Variants in RAPH1 observed in about 807,000 individuals in gnomAD.
The protein encoded by RAPH1 is ras-associated and pleckstrin homology domains-containing protein 1.
A neutral mutation model predicts 88.1 loss-of-function variants in RAPH1; 18 were observed. That is an observed-to-expected ratio of 0.20 (90% CI 0.14 to 0.30). The LOEUF (loss-of-function observed/expected upper bound fraction) is 0.30. Among genes scored for constraint, RAPH1 ranks in the 10% least tolerant of loss-of-function variants. RAPH1 has a pLI of 1.00. For missense variants in RAPH1, 1,448 were observed against 1,543.2 expected, an observed-to-expected ratio of 0.94 and a Z score of 1.03; for synonymous variants, 587 against 559.0, an observed-to-expected ratio of 1.05 and a Z score of -0.71.
chr2:203,526,523 A>G (rs1164319567), intron 1 of RAPH1, among the ~76,000 whole-genome samples: 2 of 151,866 alleles, frequency 1.3e-5, no homozygotes, highest in African/African-American at 4.8e-5. Flanking sequence ...TCAGGAGTTC[A>G]AGGCCAGCCT....
intron 4 of RAPH1, among the ~76,000 whole-genome samples, chr2:203,478,840 C>T (rs1687595362): frequency 6.6e-6 from 1 of 152,182 alleles, no homozygotes; most frequent in Admixed American, 6.5e-5. Context: ...CCACAGTGCC[C>T]TAGGCGCTCA....
chr2:203,460,129 T>A, intron 6 of RAPH1, 101 bp from the exon 7 acceptor site: 1 of 1,013,538 alleles, frequency 9.9e-7, no homozygotes, highest in Non-Finnish European at 1.4e-6. Flanking sequence ...CACATAATCT[T>A]AACCGACATT....
chr2:203,532,375 A>C (rs1236596434), intron 1 of RAPH1, among the ~76,000 whole-genome samples: 1 of 152,224 alleles, frequency 6.6e-6, no homozygotes, highest in Admixed American at 6.5e-5. Flanking sequence ...CTGTACACTT[A>C]AAAATAGTTA....
Position 203,506,794 on chromosome 2 carries a change from CTATA to C in RAPH1, c.1-11445_1-11442del, listed in dbSNP as rs1169335421. Among the ~76,000 whole-genome samples the C allele has an allele frequency of 1.2e-3, 108 of 93,146 alleles. 10 individuals carry two copies. Among genetic ancestry groups the C allele is most frequent in the Middle Eastern group, 5.6e-3 (1 of 180 alleles). The allele number at this position is 93,146 out of a possible 152,430, so 61.1% of individuals were successfully genotyped here. On this transcript the variant is annotated intron_variant, in intron 1 of 13. Transcript: ENST00000319170. Reference sequence around the variant, plus strand: ...TCTATATATATCTAGATATATATATCTATATATATATCTATATCTATATATCTAT... The same window carrying C: ...TCTATATATATCTAGATATATATATCTATATATCTATATCTATATATCTAT...
chr2:203,459,151 G>A (rs1487671531), intron 7 of RAPH1, among the ~76,000 whole-genome samples: 3 of 152,180 alleles, frequency 2.0e-5, no homozygotes, highest in Admixed American at 6.5e-5. Context: ...TTACAGGAGT[G>A]AGCCATTGCG....
At chr2:203,463,687 C>T (rs980502452) in intron 4 of RAPH1, among the ~76,000 whole-genome samples, 1 of 152,196 alleles carries the variant, frequency 6.6e-6, no homozygotes, top group Non-Finnish European at 1.5e-5. Context: ...AGGGCTAAGA[C>T]GAGACTGAAT....
rs1309715676 is a variant in RAPH1, at chr2:203,440,995, G to A, written c.2195C>T (p.Pro732Leu). The A allele has an allele frequency of 8.9e-6, 14 of 1,567,706 alleles. No homozygotes were observed. Among genetic ancestry groups the A allele is most frequent in the Middle Eastern group, 1.8e-4 (1 of 5,478 alleles). ...GSAMAQLKPA[P>L]CAPSLPQFSA... is the part of the protein sequence containing the mutation. ...GAACTGTGGAAGGGATGGGGCACAC[G>A]GTGCAGGCTTTAGCTGGGCCATGGC... The change falls in exon 14 of 14, where the codon CCG (proline) becomes CTG (leucine). Residue 732 changes from proline to leucine, a missense_variant. By Grantham distance (98) the Pro-to-Leu change is moderately conservative. Coordinates refer to ENST00000319170, the MANE Select transcript of RAPH1 (RefSeq NM_213589.3).
chr2:203,474,881 C>T (rs1027571572), intron 4 of RAPH1, among the ~76,000 whole-genome samples: 1 of 152,192 alleles, frequency 6.6e-6, no homozygotes, highest in African/African-American at 2.4e-5. Flanking sequence ...GAGGCTGAGG[C>T]AGGTGGATCA....
At chr2:203,441,444 G>A in intron 13 of RAPH1, 31 bp from the exon 14 acceptor site, 1 of 1,501,070 alleles carries the variant, frequency 6.7e-7, no homozygotes. Context: ...GAGTGGGAGA[G>A]AGAAAAACAC....
chr2:203,488,862 G>A (rs1372710982), intron 4 of RAPH1, among the ~76,000 whole-genome samples: 2 of 152,104 alleles, frequency 1.3e-5, no homozygotes, highest in Admixed American at 6.5e-5. Flanking sequence ...AGTGGCTCAC[G>A]CCTGTAATCC....
chr2:203,444,779 A>C, intron 13 of RAPH1, 89 bp downstream of exon 13: 1 of 1,217,030 alleles, frequency 8.2e-7, no homozygotes, highest in Non-Finnish European at 1.2e-6. Flanking sequence ...AGGCCAAATA[A>C]GATCCCCGAT....
rs763310414 is a variant in RAPH1 at position 203,459,892 on chromosome 2, GTTGT to G, written c.1092+11_1092+14del. The G allele has an allele frequency of 1.0e-4, 165 of 1,608,000 alleles. 1 individual carries two copies. Among genetic ancestry groups the G allele is most frequent in the South Asian group, 8.3e-4 (74 of 89,382 alleles). The stretch of plus-strand genomic sequence containing the variant: ...TATTTACAAATCCTGACCTCTGTAA[GTTGT>G]TTGGTCTTACCTGTGGGTTTTTGAA... On this transcript the variant is annotated intron_variant, in intron 7 of 13. Transcript: ENST00000319170.
chr2:203,456,841 T>A (rs980295919), intron 8 of RAPH1, among the ~76,000 whole-genome samples: 1 of 152,158 alleles, frequency 6.6e-6, no homozygotes, highest in East Asian at 1.9e-4. Flanking sequence ...ATTTTAAAAA[T>A]TATTTAATTA....
rs1559494003 is a variant in RAPH1, at chr2:203,506,742, C to CGA, written c.1-11390_1-11389insTC. On this transcript the variant is annotated intron_variant, in intron 1 of 13. Coordinates refer to ENST00000319170, the MANE Select transcript of RAPH1 (RefSeq NM_213589.3). ...CTAAAATCCATATATAGATATATATCTATATATATATATATCTATATATAT... is the reference window on the plus strand; with the variant it reads ...CTAAAATCCATATATAGATATATATCGATATATATATATATATCTATATATAT... 1.1e-3 allele frequency among the ~76,000 whole-genome samples: 118 copies of CGA among 110,836 alleles called. 5 individuals carry two copies. Among genetic ancestry groups the CGA allele is most frequent in the African/African-American group, 5.4e-3 (110 of 20,200 alleles). 72.7% of individuals were successfully genotyped at this position (110,836 alleles called of 152,430 possible). A position where few individuals can be genotyped will look rare whatever the true frequency, so the allele number is the denominator to read the frequency against.
chr2:203,470,387 CAT>C lies in RAPH1; in HGVS notation c.733-8464_733-8463del, dbSNP rs2098531993. 4 of 908,474 alleles carry C rather than the reference CAT, an allele frequency of 4.4e-6. No homozygotes were observed. In the East Asian group the frequency reaches 1.0e-4, roughly 23 times the overall value. 56.3% of individuals were successfully genotyped at this position (908,474 alleles called of 1,614,324 possible). A position where few individuals can be genotyped will look rare whatever the true frequency, so the allele number is the denominator to read the frequency against. On this transcript the variant is annotated intron_variant, in intron 4 of 13. Transcript: ENST00000319170. The stretch of plus-strand genomic sequence containing the variant: ...CAGTGGAGGTTTTATGTGTTTAAAA[CAT>C]AAAGTAGACAAAGCAAGAATGATTC...
rs188415187 is a variant in RAPH1, at chr2:203,511,468, G to C, written c.1-16115C>G. On this transcript the variant is annotated intron_variant, in intron 1 of 13. Transcript: ENST00000319170. ...AAGGTTATTTCAAGGCATATGATTT[G>C]ATTCAATAGCTGCGTTAATGACTCT... is the stretch of plus-strand genomic sequence containing the variant. 2.1e-4 allele frequency among the ~76,000 whole-genome samples: 32 copies of C among 152,280 alleles called. 1 individual carries two copies. The East Asian group carries it at 4.8e-3, about 23-fold the overall frequency.
In RAPH1 at chr2:203,494,824, G is replaced by GA. The variant is rs1297398356; in HGVS notation, c.120+409dup. 3.8e-3 allele frequency among the ~76,000 whole-genome samples: 495 copies of GA among 130,368 alleles called. 2 individuals carry two copies. Among genetic ancestry groups the GA allele is most frequent in the African/African-American group, 5.1e-3 (180 of 35,490 alleles). The allele number at this position is 130,368 out of a possible 152,430, so 85.5% of individuals were successfully genotyped here. A position where few individuals can be genotyped will look rare whatever the true frequency, so the allele number is the denominator to read the frequency against. ...GACTCCGTCTCAAAAAAAAAAAAAA[G>GA]AAAAAAAAAAAGAAAAACAGAAAAT... On this transcript the variant is annotated intron_variant, in intron 2 of 13. Transcript: ENST00000319170.
At chr2:203,453,460 C>T (rs187210117) in intron 10 of RAPH1, among the ~76,000 whole-genome samples, 33 of 141,444 alleles carry the variant, frequency 2.3e-4, no homozygotes, top group South Asian at 7.0e-4. Context: ...CTGGGAATAT[C>T]GCTGGAGCCT....
intron 4 of RAPH1, among the ~76,000 whole-genome samples, chr2:203,475,179 G>C (rs1262807003): frequency 6.6e-6 from 1 of 152,144 alleles, no homozygotes; most frequent in Non-Finnish European, 1.5e-5. Context: ...AGGCCGAGGC[G>C]GGAGGATCAC....
Sources: gnomAD v4.1 joint callset for allele counts (sites outside exome capture counted in the v4.1 genomes callset) on GRCh38, gnomAD v4.1.1 for gene constraint, MANE v1.5 for transcripts, NCBI Gene and HGNC (gene_info 2026-07-23, HGNC 2026-07-21) for gene names.